Variants in RBFOX1 observed in about 807,000 individuals in gnomAD.
RBFOX1 encodes RNA binding protein fox-1 homolog 1.
Under a neutral mutation model 57.7 loss-of-function variants are expected in RBFOX1, and 8 were observed. That is an observed-to-expected ratio of 0.14 (90% CI 0.08 to 0.25). The LOEUF is 0.25. Ranked by LOEUF, RBFOX1 falls within the 10% of genes least tolerant of loss-of-function variation. The pLI is 1.00. For synonymous variants in RBFOX1, 326 were observed against 222.4 expected (o/e 1.47, Z -4.15); for missense variants, 611 against 548.5 (o/e 1.11, Z -1.14).
At chr16:7,129,831 A>G (rs367749337) in intron 4 of RBFOX1, among the ~76,000 whole-genome samples, 39 of 88,054 alleles carry the variant, frequency 4.4e-4, no homozygotes, top group African/African-American at 1.6e-3. Context: ...AGATAGATGG[A>G]TGATGGATGG....
chr16:6,735,767 T>C (rs1040753932), intron 3 of RBFOX1, among the ~76,000 whole-genome samples: 9 of 152,170 alleles, frequency 5.9e-5, no homozygotes, highest in African/African-American at 2.2e-4. Context: ...CCAAGTGGCA[T>C]GGGTGGTGAT....
chr16:5,625,858 C>G (rs149712927), intron 3 of RBFOX1, among the ~76,000 whole-genome samples: 21 of 150,798 alleles, frequency 1.4e-4, no homozygotes, highest in African/African-American at 5.1e-4. Context: ...GTGTCCAGCC[C>G]TGGATTTACT....
rs112040764 is a variant in RBFOX1, at chr16:5,812,692, C to A, written c.319-54611C>A. Among the ~76,000 whole-genome samples, 7 of 152,070 alleles carry A rather than the reference C, an allele frequency of 4.6e-5. 1 individual carries two copies. The East Asian group carries it at 9.7e-4, about 21-fold the overall frequency. ...GCCTACGTTGGTCTCAAACTCCTGG[C>A]CTCAAGCAGTCCTTTCACCTCTGCC... is the stretch of plus-strand genomic sequence containing the variant. On this transcript the variant is annotated intron_variant, in intron 3 of 19. Transcript: ENST00000641259.
intron 1 of RBFOX1, among the ~76,000 whole-genome samples, chr16:6,164,210 T>C (rs1210754238): frequency 6.6e-6 from 1 of 152,200 alleles, no homozygotes; most frequent in African/African-American, 2.4e-5. Flanking sequence ...AGTCTACATA[T>C]GCAAAATCAG....
chr16:5,629,645 G>A (rs1457431126), intron 3 of RBFOX1, among the ~76,000 whole-genome samples: 1 of 152,132 alleles, frequency 6.6e-6, no homozygotes, highest in African/African-American at 2.4e-5. Flanking sequence ...TTGGGGTCTT[G>A]GTATGATAAT....
chr16:5,883,240 C>T (rs2151921201), intron 4 of RBFOX1, among the ~76,000 whole-genome samples: 1 of 152,100 alleles, frequency 6.6e-6, no homozygotes, highest in East Asian at 1.9e-4. Flanking sequence ...ATTAAATGTA[C>T]ATGTTGATTT....
intron 3 of RBFOX1, among the ~76,000 whole-genome samples, chr16:6,958,868 C>T (rs1056985359): frequency 2.6e-5 from 4 of 151,956 alleles, no homozygotes; most frequent in Non-Finnish European, 4.4e-5. Context: ...CTTTTATTAC[C>T]TTTTTTTGAG....
chr16:7,193,743 CA>C (rs2086003099), intron 4 of RBFOX1, among the ~76,000 whole-genome samples: 1 of 152,174 alleles, frequency 6.6e-6, no homozygotes, highest in African/African-American at 2.4e-5. Context: ...TCTGCACCAG[CA>C]ACCATGGTAG....
intron 4 of RBFOX1, among the ~76,000 whole-genome samples, chr16:7,226,476 C>G (rs187477521): frequency 1.3e-5 from 2 of 152,294 alleles, no homozygotes; most frequent in East Asian, 1.9e-4. Flanking sequence ...CATTGACTCT[C>G]CACTTGATGC....
chr16:6,481,756 T>C (rs1346982338), intron 2 of RBFOX1, among the ~76,000 whole-genome samples: 1 of 152,220 alleles, frequency 6.6e-6, no homozygotes, highest in African/African-American at 2.4e-5. Context: ...GCATCATTAT[T>C]GTGAAATAAG....
Position 6,019,086 on chromosome 16 carries a change from G to C in RBFOX1, c.-1033G>C, listed in dbSNP as rs1186759747. On this transcript the variant is annotated 5_prime_UTR_variant, in exon 1 of 16. Coordinates refer to ENST00000550418, the MANE Select transcript of RBFOX1 (RefSeq NM_018723.4). This position sits in a 1 kb window ranked among gnomAD's most constrained non-coding sequence, Gnocchi z 4.2. Reference sequence around the variant, plus strand: ...CTTGTCGCGCGCTCACACACACACAGACACACACGCACACACACACATGCA... The same window carrying C: ...CTTGTCGCGCGCTCACACACACACACACACACACGCACACACACACATGCA... 8 of 983,696 alleles carry C rather than the reference G, an allele frequency of 8.1e-6. No individual in the cohort carries two copies. The highest frequency in any genetic ancestry group is 8.4e-6 in the Non-Finnish European group (7 of 829,248). 60.9% of individuals were successfully genotyped at this position (983,696 alleles called of 1,614,324 possible).
intron 4 of RBFOX1, among the ~76,000 whole-genome samples, chr16:7,188,376 G>C (rs2084445570): frequency 6.6e-6 from 1 of 152,112 alleles, no homozygotes; most frequent in African/African-American, 2.4e-5. Context: ...TTCTGAATGG[G>C]GTTTTATGAA....
chr16:6,110,079 C>A (rs549680617), intron 1 of RBFOX1, among the ~76,000 whole-genome samples: 1 of 151,822 alleles, frequency 6.6e-6, no homozygotes, highest in Admixed American at 6.6e-5. Context: ...AGGATTTAAA[C>A]AATTAATATA....
chr16:6,745,354 C>A (rs948512713), intron 3 of RBFOX1, among the ~76,000 whole-genome samples: 5 of 151,642 alleles, frequency 3.3e-5, no homozygotes, highest in African/African-American at 9.7e-5. Flanking sequence ...GAAAAAACCC[C>A]CGAAACCACA....
intron 4 of RBFOX1, among the ~76,000 whole-genome samples, chr16:7,302,241 C>T (rs1238725805): frequency 6.6e-6 from 1 of 152,132 alleles, no homozygotes; most frequent in African/African-American, 2.4e-5. Flanking sequence ...CGGGTTGGGG[C>T]CTAGTGTTAG....
chr16:6,986,813 C>T (rs1389348554), intron 3 of RBFOX1, among the ~76,000 whole-genome samples: 2 of 152,106 alleles, frequency 1.3e-5, no homozygotes, highest in Admixed American at 6.6e-5. Context: ...CGCTGTAGGG[C>T]AGGTGCCTGT....
rs544983673 is a variant in RBFOX1 at position 6,856,861 on chromosome 16, GATA to G, written c.-15-195187_-15-195185del. Among the ~76,000 whole-genome samples, 9 of 151,894 alleles carry G rather than the reference GATA, an allele frequency of 5.9e-5. No individual in the cohort carries two copies. In the South Asian group the frequency reaches 1.9e-3, roughly 32 times the overall value. ...GACAGATCCCTTAATTGTCAATTCA[GATA>G]ATAATAATTCTGCTGCAAAATGTTA... On this transcript the variant is annotated intron_variant, in intron 3 of 15. Coordinates refer to ENST00000550418, the MANE Select transcript of RBFOX1 (RefSeq NM_018723.4).
chr16:6,029,077 C>G (rs1048984103), intron 1 of RBFOX1, among the ~76,000 whole-genome samples: 17 of 152,288 alleles, frequency 1.1e-4, no homozygotes, highest in Non-Finnish European at 1.2e-4. Flanking sequence ...GACTTCCGAG[C>G]TAGTCACTTC....
At chr16:6,904,514 T>C (rs1381514293) in intron 3 of RBFOX1, among the ~76,000 whole-genome samples, 2 of 145,742 alleles carry the variant, frequency 1.4e-5, no homozygotes, top group East Asian at 4.1e-4. Flanking sequence ...GGCAGGAGAA[T>C]TGTTTGAACC....
Sources: gnomAD v4.1 joint callset for allele counts (sites outside exome capture counted in the v4.1 genomes callset) on GRCh38, gnomAD v4.1.1 for gene constraint, Gnocchi (gnomAD v3.1) non-coding constraint, MANE v1.5 for transcripts, NCBI Gene and HGNC (gene_info 2026-07-23, HGNC 2026-07-21) for gene names.